The following PTCHD1 variants were observed in gnomAD, a reference collection of about 807,000 sequenced individuals.
The protein encoded by PTCHD1 is patched domain-containing protein 1.
In PTCHD1, 3 loss-of-function variants were observed where a neutral mutation model predicts 34.6. That is an observed-to-expected ratio of 0.09 (90% CI 0.04 to 0.22). PTCHD1 has a LOEUF of 0.22. Among genes scored for constraint, PTCHD1 ranks in the 10% least tolerant of loss-of-function variants. The probability of loss-of-function intolerance (pLI) is 1.00; values close to 1 mark genes in which losing one functional copy is unlikely to be tolerated. For missense variants in PTCHD1, 504 were observed against 685.5 expected, an observed-to-expected ratio of 0.74 and a Z score of 2.96; for synonymous variants, 305 against 283.1, an observed-to-expected ratio of 1.08 and a Z score of -0.77.
intron 1 of PTCHD1, among the ~76,000 whole-genome samples, chrX:23,352,584 G>GA (rs1265538939): frequency 9.0e-6 from 1 of 111,502 alleles, no homozygotes; most frequent in Admixed American, 9.5e-5. Flanking sequence ...GAATGACCTA[G>GA]AATGGCTTAA....
At chrX:23,351,157 A>G (rs1168196337) in intron 1 of PTCHD1, 1 of 626,932 alleles carries the variant, frequency 1.6e-6, no homozygotes, top group Non-Finnish European at 2.6e-6. Context: ...TTTTGGAGCC[A>G]TGAATACTGT....
chrX:23,370,712 A>C (rs770638591), intron 1 of PTCHD1, among the ~76,000 whole-genome samples: 72 of 112,232 alleles, frequency 6.4e-4, no homozygotes, highest in African/African-American at 2.2e-3. Flanking sequence ...TTTCAAAGAA[A>C]AAATGTTACC....
chrX:23,370,627 T>C (rs935320246), intron 1 of PTCHD1, among the ~76,000 whole-genome samples: 1 of 112,028 alleles, frequency 8.9e-6, no homozygotes, highest in Non-Finnish European at 1.9e-5. Flanking sequence ...TGGAACTTTC[T>C]TCTTATTTTT....
At chrX:23,391,105 A>AG (rs1922818588) in intron 2 of PTCHD1, among the ~76,000 whole-genome samples, 1 of 111,518 alleles carries the variant, frequency 9.0e-6, no homozygotes, top group African/African-American at 3.3e-5. Context: ...TCCAACTACG[A>AG]GAGGTGGTAG....
chrX:23,403,206 TATC>T lies in PTCHD1; in HGVS notation c.*9025_*9027del, dbSNP rs1418847607. Reference sequence around the variant, plus strand: ...CCACTAATTCAGTATTCAGAAACCTTATCATCTGTTCCTCCAAAAAGACCCCAT... The same window carrying T: ...CCACTAATTCAGTATTCAGAAACCTTATCTGTTCCTCCAAAAAGACCCCAT... On this transcript the variant is annotated 3_prime_UTR_variant, in exon 3 of 3. Coordinates refer to ENST00000379361, the MANE Select transcript of PTCHD1 (RefSeq NM_173495.3). The T allele has an allele frequency of 2.7e-5, 3 of 112,132 alleles. No individual in the cohort carries two copies. The highest frequency in any genetic ancestry group is 5.6e-5 in the Non-Finnish European group (3 of 53,212). 9.2% of individuals were successfully genotyped at this position (112,132 alleles called of 1,213,427 possible). A position where few individuals can be genotyped will look rare whatever the true frequency, so the allele number is the denominator to read the frequency against.
chrX:23,394,896 G>C lies in PTCHD1; in HGVS notation c.*711G>C, dbSNP rs1922949882. On this transcript the variant is annotated 3_prime_UTR_variant, in exon 3 of 3. Transcript: ENST00000379361. The stretch of plus-strand genomic sequence containing the variant: ...TTGGTATGCCTTTAACATTTGTATA[G>C]TTTGGTTTGCTTAAAACACCTTAAA... 1 of 113,069 alleles carries C rather than the reference G, an allele frequency of 8.8e-6. No individual in the cohort carries two copies. The highest frequency in any genetic ancestry group is 9.3e-5 in the Admixed American group (1 of 10,724). The allele number at this position is 113,069 out of a possible 1,213,427, so 9.3% of individuals were successfully genotyped here.
At position 23,396,199 on chromosome X, in the gene PTCHD1, T is replaced by C. The variant is rs1417933539; in HGVS notation, c.*2014T>C. On this transcript the variant is annotated 3_prime_UTR_variant, in exon 3 of 3. Coordinates refer to ENST00000379361, the MANE Select transcript of PTCHD1 (RefSeq NM_173495.3). ...TGTTGTCCATACAGTTCTAAATACA[T>C]GTGCAGGGGATTGTAGCTAATGCAT... 1.8e-5 allele frequency: 2 copies of C among 112,492 alleles called. No homozygotes were observed. 9.3% of individuals were successfully genotyped at this position (112,492 alleles called of 1,213,427 possible). A position where few individuals can be genotyped will look rare whatever the true frequency, so the allele number is the denominator to read the frequency against.
chrX:23,344,975 C>A (rs778760150), intron 1 of PTCHD1, among the ~76,000 whole-genome samples: 1 of 111,948 alleles, frequency 8.9e-6, no homozygotes, highest in Non-Finnish European at 1.9e-5. Context: ...AGTAGATCTG[C>A]AAGCACTTCA....
At position 23,348,619 on chromosome X, in the gene PTCHD1, T is replaced by G. The variant is rs199681089; in HGVS notation, c.351+13393T>G. 9.1e-5 allele frequency among the ~76,000 whole-genome samples: 10 copies of G among 110,062 alleles called. No individual in the cohort carries two copies. The East Asian group carries it at 2.6e-3, about 28-fold the overall frequency. On this transcript the variant is annotated intron_variant, in intron 1 of 2. Transcript: ENST00000379361. Reference sequence around the variant, plus strand: ...ACATTAGAGTTGTCAGAGAAAAAACTGCAAGAAGAGAATGAAGATAAATAG... The same window carrying G: ...ACATTAGAGTTGTCAGAGAAAAAACGGCAAGAAGAGAATGAAGATAAATAG...
intron 1 of PTCHD1, among the ~76,000 whole-genome samples, chrX:23,374,785 A>C (rs1206706506): frequency 6.3e-5 from 7 of 111,769 alleles, no homozygotes; most frequent in African/African-American, 2.3e-4. Context: ...GTGTCTGATT[A>C]TGTAGTTTGT....
At chrX:23,350,500 G>A (rs1305835129) in intron 1 of PTCHD1, among the ~76,000 whole-genome samples, 1 of 111,870 alleles carries the variant, frequency 8.9e-6, no homozygotes, top group Non-Finnish European at 1.9e-5. Flanking sequence ...CAAATTTGGA[G>A]AAAAGGATTC....
chrX:23,342,266 C>CATATATATA, intron 1 of PTCHD1, among the ~76,000 whole-genome samples: 1 of 31,243 alleles, frequency 3.2e-5, no homozygotes, highest in Non-Finnish European at 6.0e-5. Flanking sequence ...GTGTTTCTCC[C>CATATATATA]TATATATATA....
At chrX:23,378,453 C>T (rs897479978) in intron 1 of PTCHD1, among the ~76,000 whole-genome samples, 1 of 112,292 alleles carries the variant, frequency 8.9e-6, no homozygotes, top group Admixed American at 9.4e-5. Flanking sequence ...CATACTCGTA[C>T]ATATCTGAAA....
chrX:23,384,140 G>T (rs985094457), intron 2 of PTCHD1, among the ~76,000 whole-genome samples: 2 of 112,320 alleles, frequency 1.8e-5, no homozygotes, highest in African/African-American at 6.5e-5. Flanking sequence ...GCATCTGGAA[G>T]GTTTGTTGCT....
chrX:23,379,423 G>A (rs939501300), intron 1 of PTCHD1, among the ~76,000 whole-genome samples, 168 bp from the exon 2 acceptor site: 4 of 111,775 alleles, frequency 3.6e-5, no homozygotes, highest in Non-Finnish European at 5.6e-5. Flanking sequence ...GCCACATTGC[G>A]AGAACCACTG....
At chrX:23,371,051 G>A (rs1454172173) in intron 1 of PTCHD1, among the ~76,000 whole-genome samples, 1 of 111,241 alleles carries the variant, frequency 9.0e-6, no homozygotes, top group Non-Finnish European at 1.9e-5. Context: ...GCTCAGGTAG[G>A]TGACTCACAT....
At position 23,335,196 on chromosome X, in the gene PTCHD1, G is replaced by A. The variant is rs781511681; in HGVS notation, c.321G>A (p.Leu107=). ...IVTSFQKANM[L]DQHHTDLILK... ...CCTCCTTCCAGAAAGCCAACATGCTGGACCAGCATCACACCGACCTGATCT... is the reference window on the plus strand; with the variant it reads ...CCTCCTTCCAGAAAGCCAACATGCTAGACCAGCATCACACCGACCTGATCT... The change falls in exon 1 of 3, where the codon CTG becomes CTA. Residue 107 remains leucine (L), a synonymous_variant. Transcript: ENST00000379361. 1.6e-5 allele frequency: 19 copies of A among 1,210,060 alleles called. No individual in the cohort carries two copies. Among genetic ancestry groups the A allele is most frequent in the Admixed American group, 1.5e-4 (7 of 46,054 alleles).
rs1200335752 is a variant in PTCHD1, at chrX:23,366,931, C to A, written c.352-12660C>A. Among the ~76,000 whole-genome samples the A allele has an allele frequency of 2.2e-4, 24 of 109,649 alleles. No individual in the cohort carries two copies. In the Admixed American group the frequency reaches 2.3e-3, roughly 11 times the overall value. On this transcript the variant is annotated intron_variant, in intron 1 of 2. Transcript: ENST00000379361. ...CACACATGCTCCTGGTACACACACA[C>A]ACACACACACACACACACACACCCC...
chrX:23,364,245 G>A (rs1922069692), intron 1 of PTCHD1, among the ~76,000 whole-genome samples: 1 of 110,633 alleles, frequency 9.0e-6, no homozygotes, highest in Non-Finnish European at 1.9e-5. Context: ...TCTGGGTACT[G>A]TAAATATGCT....
Sources: allele counts gnomAD v4.1 joint callset (sites outside exome capture counted in the v4.1 genomes callset), GRCh38; gene constraint gnomAD v4.1.1; transcripts MANE v1.5; gene names NCBI Gene and HGNC (gene_info 2026-07-23, HGNC 2026-07-21).